SMS: variants seen among roughly 807,000 people sequenced by gnomAD.
The protein encoded by SMS is spermidine aminopropyltransferase.
A neutral mutation model predicts 33.0 loss-of-function variants in SMS; 3 were observed. The observed-to-expected ratio is 0.09, with a 90% CI of 0.04 to 0.23. The LOEUF (loss-of-function observed/expected upper bound fraction) is 0.23, where lower values mean the gene tolerates loss of function less well. SMS is among the 10% of genes least tolerant of loss of function. SMS has a pLI of 1.00. For synonymous variants in SMS, 103 were observed against 112.2 expected (o/e 0.92, Z 0.52); for missense variants, 117 against 288.6 (o/e 0.41, Z 4.31).
At chrX:21,944,909 G>A (rs1271087208) in intron 1 of SMS, among the ~76,000 whole-genome samples, 1 of 108,423 alleles carries the variant, frequency 9.2e-6, no homozygotes, top group Non-Finnish European at 1.9e-5. Flanking sequence ...AACGAGGGAG[G>A]TGGAGGTTAC....
chrX:21,966,685 C>A (rs1207920997), intron 1 of SMS, among the ~76,000 whole-genome samples: 2 of 111,749 alleles, frequency 1.8e-5, no homozygotes, highest in Non-Finnish European at 3.8e-5. Flanking sequence ...ATAAAAGCAG[C>A]ACATCCTTTT....
intron 1 of SMS, among the ~76,000 whole-genome samples, chrX:21,946,415 C>A (rs67146826): frequency 0.12 from 13,915 of 112,290 alleles, 1,256 homozygotes; most frequent in African/African-American, 0.31. Flanking sequence ...GCCCTGAGTG[C>A]TTTGTGCATT....
chrX:21,990,782 C>G (rs1160888849), intron 9 of SMS, among the ~76,000 whole-genome samples: 1 of 112,827 alleles, frequency 8.9e-6, no homozygotes, highest in Non-Finnish European at 1.9e-5. Flanking sequence ...TATAGCTTCC[C>G]CAGTGGTGAT....
chrX:21,947,733 C>T (rs1922335882), intron 1 of SMS, among the ~76,000 whole-genome samples: 1 of 111,360 alleles, frequency 9.0e-6, no homozygotes, highest in Non-Finnish European at 1.9e-5. Flanking sequence ...TCCCTATTAC[C>T]CCATGGATGA....
chrX:21,987,121 G>T (rs985717613), intron 9 of SMS, among the ~76,000 whole-genome samples: 7 of 108,081 alleles, frequency 6.5e-5, no homozygotes, highest in African/African-American at 2.0e-4. Context: ...TCAGCCTCCT[G>T]AGTAGCTGGG....
At chrX:21,975,902 A>G (rs904406857) in intron 4 of SMS, among the ~76,000 whole-genome samples, 5 of 110,630 alleles carry the variant, frequency 4.5e-5, no homozygotes, top group African/African-American at 1.6e-4. Flanking sequence ...GTCAGGCCGC[A>G]TATCCCAGCA....
chrX:21,972,549 G>A lies in SMS; in HGVS notation c.307G>A (p.Asp103Asn). The A allele has an allele frequency of 8.4e-7, 1 of 1,185,895 alleles. No individual in the cohort carries two copies. Among genetic ancestry groups the A allele is most frequent in the Non-Finnish European group, 1.1e-6 (1 of 872,033 alleles). ...VEERMKELSQ[D>N]STGRVKRLPP... is the part of the protein sequence containing the mutation. ...GGAAAGAATGAAAGAATTGAGTCAG[G>A]ACAGTACTGGGCGGGTGAAACGGTA... Residue 103 changes from aspartate to asparagine, a missense_variant, in exon 4 of 11, where the codon GAC (aspartate) becomes AAC (asparagine). Transcript: ENST00000404933.
chrX:21,963,377 C>T (rs1165652802), intron 1 of SMS, among the ~76,000 whole-genome samples: 1 of 112,179 alleles, frequency 8.9e-6, no homozygotes, highest in African/African-American at 3.2e-5. Context: ...AGGGACCAGG[C>T]GGCCGCACAA....
chrX:21,976,688 G>C (rs1362952576), intron 4 of SMS, among the ~76,000 whole-genome samples: 4 of 111,805 alleles, frequency 3.6e-5, no homozygotes, highest in Non-Finnish European at 7.5e-5. Context: ...CTCTGTACTA[G>C]ATAACCATAT....
chrX:21,994,784 AAGAG>A lies in SMS; in HGVS notation c.*438_*441del. The A allele has an allele frequency of 6.9e-5, 51 of 735,842 alleles. No individual in the cohort carries two copies. Among genetic ancestry groups the A allele is most frequent in the Non-Finnish European group, 8.1e-5 (51 of 632,635 alleles). 60.6% of individuals were successfully genotyped at this position (735,842 alleles called of 1,213,427 possible). A position where few individuals can be genotyped will look rare whatever the true frequency, so the allele number is the denominator to read the frequency against. The stretch of plus-strand genomic sequence containing the variant: ...TTAGATATTAAAATTTGGTGCTTAT[AAGAG>A]AGAGTTAAAAAAAAATAGGATTGCT... On this transcript the variant is annotated 3_prime_UTR_variant, in exon 11 of 11. Transcript: ENST00000404933.
chrX:21,983,100 G>T (rs1466251803), intron 7 of SMS, among the ~76,000 whole-genome samples: 1 of 111,308 alleles, frequency 9.0e-6, no homozygotes, highest in Admixed American at 9.6e-5. Context: ...AGTGGTGCGC[G>T]ATGATCATGG....
At chrX:21,957,153 CTT>C (rs111845628) in intron 1 of SMS, among the ~76,000 whole-genome samples, 91 of 91,101 alleles carry the variant, frequency 1.0e-3, no homozygotes, top group Middle Eastern at 5.9e-3. Flanking sequence ...AAACCAACTA[CTT>C]TTTTTTTTTT....
At chrX:21,946,014 C>G (rs945111143) in intron 1 of SMS, among the ~76,000 whole-genome samples, 6 of 112,339 alleles carry the variant, frequency 5.3e-5, no homozygotes, top group African/African-American at 1.9e-4. Context: ...TGATATTTAA[C>G]AAATTGTTAG....
At chrX:21,971,200 A>G (rs1242914937) in intron 2 of SMS, among the ~76,000 whole-genome samples, 3 of 106,729 alleles carry the variant, frequency 2.8e-5, no homozygotes, top group African/African-American at 1.0e-4. Context: ...TCCATCTCAG[A>G]AAAAAAAAAA....
intron 5 of SMS, 123 bp from the exon 6 acceptor site, chrX:21,977,837 T>C: frequency 1.4e-6 from 1 of 733,337 alleles, no homozygotes; most frequent in East Asian, 3.2e-5. Flanking sequence ...TTGTTCACAG[T>C]TTTAAAAAAT....
intron 7 of SMS, among the ~76,000 whole-genome samples, chrX:21,980,538 A>G (rs1924870257): frequency 9.3e-6 from 1 of 107,583 alleles, no homozygotes; most frequent in Non-Finnish European, 1.9e-5. Context: ...TAAAATTGCA[A>G]TAGAGATGAA....
intron 9 of SMS, among the ~76,000 whole-genome samples, chrX:21,990,412 C>T (rs1326328606): frequency 2.7e-5 from 3 of 112,676 alleles, no homozygotes; most frequent in African/African-American, 9.7e-5. Context: ...AGGTGTGACC[C>T]CACCCCTTGT....
chrX:21,977,310 T>C, intron 5 of SMS, 74 bp downstream of exon 5: 1 of 936,335 alleles, frequency 1.1e-6, no homozygotes, highest in Non-Finnish European at 1.6e-6. Context: ...TCCTGACAAT[T>C]ACTACTGTCG....
chrX:21,942,903 G>T (rs982103597), intron 1 of SMS, among the ~76,000 whole-genome samples: 1 of 103,758 alleles, frequency 9.6e-6, no homozygotes, highest in Non-Finnish European at 2.0e-5. Context: ...GCAGTGGTGC[G>T]ATCTCGGCTC....
Sources: gnomAD v4.1 joint callset for allele counts (sites outside exome capture counted in the v4.1 genomes callset) on GRCh38, gnomAD v4.1.1 for gene constraint, MANE v1.5 for transcripts, NCBI Gene and HGNC (gene_info 2026-07-23, HGNC 2026-07-21) for gene names.